NTRK2: variants seen among roughly 807,000 people sequenced by gnomAD.
NTRK2 encodes neurotrophic receptor tyrosine kinase 2, also known as BDNF/NT-3 growth factors receptor.
Under a neutral mutation model 94.5 loss-of-function variants are expected in NTRK2, and 13 were observed. That is an observed-to-expected ratio of 0.14 (90% CI 0.09 to 0.22). The LOEUF is 0.22. Among genes scored for constraint, NTRK2 ranks in the 10% least tolerant of loss-of-function variants. NTRK2 has a pLI of 1.00. For missense variants in NTRK2, 639 were observed against 1,071.2 expected (o/e 0.60, Z 5.63); for synonymous variants, 372 against 407.4 (o/e 0.91, Z 1.05).
intron 10 of NTRK2, among the ~76,000 whole-genome samples, chr9:84,742,383 A>G (rs1292994144): frequency 6.6e-6 from 1 of 152,182 alleles, no homozygotes; most frequent in African/African-American, 2.4e-5. Flanking sequence ...CAGCTCCACT[A>G]TGTCATCTGG....
intron 12 of NTRK2, among the ~76,000 whole-genome samples, chr9:84,796,414 T>G (rs760400341): frequency 6.6e-6 from 1 of 152,222 alleles, no homozygotes; most frequent in Non-Finnish European, 1.5e-5. Flanking sequence ...CAGAGTTATG[T>G]CACGAGCCCA....
At chr9:85,006,136 T>A (rs1460245404) in intron 17 of NTRK2, among the ~76,000 whole-genome samples, 1 of 152,234 alleles carries the variant, frequency 6.6e-6, no homozygotes, top group Non-Finnish European at 1.5e-5. Flanking sequence ...CTATACTTTT[T>A]GCAATAAGTG....
intron 12 of NTRK2, among the ~76,000 whole-genome samples, chr9:84,791,042 T>G (rs1388099025): frequency 6.6e-6 from 1 of 152,238 alleles, no homozygotes; most frequent in Non-Finnish European, 1.5e-5. Flanking sequence ...TAAGTTGACT[T>G]TTTTAGAATA....
chr9:84,741,128 T>A (rs1424768470), intron 9 of NTRK2, among the ~76,000 whole-genome samples: 2 of 131,474 alleles, frequency 1.5e-5, no homozygotes, highest in Non-Finnish European at 3.2e-5. Flanking sequence ...TTGTTACCAG[T>A]TCTTGTTGAT....
intron 12 of NTRK2, chr9:84,813,378 A>T: frequency 9.5e-7 from 1 of 1,056,246 alleles, no homozygotes; most frequent in South Asian, 4.6e-5. Flanking sequence ...TGGCTCAATT[A>T]TTTTTAAAAC....
intron 2 of NTRK2, among the ~76,000 whole-genome samples, chr9:84,686,061 A>G (rs1015290009): frequency 2.0e-5 from 3 of 152,266 alleles, no homozygotes; most frequent in Non-Finnish European, 2.9e-5. Context: ...TCTATCATCT[A>G]GAACTCTAAA....
At position 85,022,643 on chromosome 9, in the gene NTRK2, C is replaced by T. The variant is rs200252326; in HGVS notation, c.*1206C>T. 8.6e-6 allele frequency: 2 copies of T among 233,100 alleles called. No homozygotes were observed. Among genetic ancestry groups the T allele is most frequent in the South Asian group, 1.8e-4 (1 of 5,522 alleles). 14.4% of individuals were successfully genotyped at this position (233,100 alleles called of 1,614,324 possible). On this transcript the variant is annotated 3_prime_UTR_variant, in exon 19 of 19. Coordinates refer to ENST00000277120, the MANE Select transcript of NTRK2 (RefSeq NM_006180.6). ...AAGCAAAATTGTGCATGGTCTTCGT[C>T]GATTAATACCTTGTGTGCAGACACT...
In NTRK2 at chr9:84,945,984, A is replaced by G. The variant is rs918474840; in HGVS notation, c.1765-2478A>G. Among the ~76,000 whole-genome samples the G allele has an allele frequency of 2.6e-5, 4 of 152,132 alleles. No individual in the cohort carries two copies. The East Asian group carries it at 5.8e-4, about 22-fold the overall frequency. ...GGGGAACTTCACCTGTGGCACATTCAAGGTCTCCAGGTCACGTAGGTCAGG... is the reference window on the plus strand; with the variant it reads ...GGGGAACTTCACCTGTGGCACATTCGAGGTCTCCAGGTCACGTAGGTCAGG... On this transcript the variant is annotated intron_variant, in intron 15 of 18. Transcript: ENST00000277120.
chr9:84,873,189 C>A, intron 14 of NTRK2: 1 of 1,062,660 alleles, frequency 9.4e-7, no homozygotes, highest in Non-Finnish European at 1.1e-6. Flanking sequence ...TTTAGCGCTT[C>A]CTTCTGTACT....
chr9:84,838,223 A>G (rs192066823), intron 12 of NTRK2, among the ~76,000 whole-genome samples: 51 of 152,338 alleles, frequency 3.3e-4, no homozygotes, highest in African/African-American at 1.1e-3. Context: ...GAACAGCTAT[A>G]GTACATCCAG....
intron 12 of NTRK2, among the ~76,000 whole-genome samples, chr9:84,760,112 A>C: frequency 6.6e-6 from 1 of 152,226 alleles, no homozygotes; most frequent in East Asian, 1.9e-4. Flanking sequence ...AACATATAGG[A>C]AAGTAATATT....
intron 14 of NTRK2, among the ~76,000 whole-genome samples, chr9:84,916,064 G>A (rs2077383348): frequency 6.6e-6 from 1 of 152,010 alleles, no homozygotes; most frequent in African/African-American, 2.4e-5. Flanking sequence ...AAATCTATCA[G>A]TCCAGAGTCC....
chr9:84,926,109 CCTTCCTTCCTTCCTT>C lies in NTRK2; in HGVS notation c.1634-8051_1634-8037del, dbSNP rs2077762164. Reference sequence around the variant, plus strand: ...CCTTCCTTCCTTCCTTCCTTCCTTTCCTTCCTTCCTTCCTTCCTTCCTTCCTTCCTTCCTTCCTTC... The same window carrying C: ...CCTTCCTTCCTTCCTTCCTTCCTTTCCCTTCCTTCCTTCCTTCCTTCCTTC... On this transcript the variant is annotated intron_variant, in intron 14 of 18. Coordinates refer to ENST00000277120, the MANE Select transcript of NTRK2 (RefSeq NM_006180.6). Among the ~76,000 whole-genome samples the C allele has an allele frequency of 9.6e-4, 42 of 43,892 alleles. 1 individual carries two copies. Among genetic ancestry groups the C allele is most frequent in the African/African-American group, 2.0e-3 (29 of 14,518 alleles). The allele number at this position is 43,892 out of a possible 152,430, so 28.8% of individuals were successfully genotyped here. A position where few individuals can be genotyped will look rare whatever the true frequency, so the allele number is the denominator to read the frequency against.
intron 14 of NTRK2, among the ~76,000 whole-genome samples, chr9:84,902,111 G>C (rs1397342575): frequency 6.6e-6 from 1 of 151,104 alleles, no homozygotes; most frequent in Non-Finnish European, 1.5e-5. Flanking sequence ...CAGGAGAATT[G>C]TTTGAACCTG....
At chr9:84,960,394 A>G (rs988706402) in intron 17 of NTRK2, among the ~76,000 whole-genome samples, 4 of 152,244 alleles carry the variant, frequency 2.6e-5, no homozygotes, top group African/African-American at 9.6e-5. Flanking sequence ...GAGAAGGTTT[A>G]GTAATTTAAG....
At chr9:84,737,642 A>AT (rs567763180) in intron 9 of NTRK2, among the ~76,000 whole-genome samples, 1 of 151,526 alleles carries the variant, frequency 6.6e-6, no homozygotes, top group Non-Finnish European at 1.5e-5. Flanking sequence ...TTCTTTTACT[A>AT]TTTTTTTCAA....
chr9:84,957,886 A>G (rs1002532864), intron 17 of NTRK2, among the ~76,000 whole-genome samples: 4 of 152,242 alleles, frequency 2.6e-5, no homozygotes, highest in African/African-American at 7.2e-5. Context: ...GCGGTAATCC[A>G]TACAATGGAA....
At chr9:85,001,027 G>A (rs568664145) in intron 17 of NTRK2, among the ~76,000 whole-genome samples, 5 of 152,234 alleles carry the variant, frequency 3.3e-5, no homozygotes, top group Admixed American at 2.0e-4. Flanking sequence ...CCACTTAATC[G>A]CATCTCAGGT....
chr9:84,772,738 G>C (rs1169739377), intron 12 of NTRK2, among the ~76,000 whole-genome samples: 1 of 152,160 alleles, frequency 6.6e-6, no homozygotes, highest in Non-Finnish European at 1.5e-5. Flanking sequence ...CCTCCAGTGG[G>C]GTCTGAAAGA....
Sources: gnomAD v4.1 joint callset for allele counts (sites outside exome capture counted in the v4.1 genomes callset) on GRCh38, gnomAD v4.1.1 for gene constraint, MANE v1.5 for transcripts, NCBI Gene and HGNC (gene_info 2026-07-23, HGNC 2026-07-21) for gene names.